The following NUDT7 variants were observed in gnomAD, a reference collection of about 807,000 sequenced individuals.
The protein encoded by NUDT7 is peroxisomal coenzyme A diphosphatase NUDT7.
Under a neutral mutation model 13.1 loss-of-function variants are expected in NUDT7, and 19 were observed. The ratio of observed to expected loss-of-function variants is 1.45; its 90% CI spans 1.01 to 2.13. The LOEUF (loss-of-function observed/expected upper bound fraction) is 2.13, where lower values mean the gene tolerates loss of function less well. NUDT7 is among the 30% of genes most tolerant of loss of function. NUDT7 has a pLI of 0.00. For synonymous variants in NUDT7, 132 were observed against 109.7 expected (o/e 1.20, Z -1.27); for missense variants, 360 against 291.7 (o/e 1.23, Z -1.71).
chr16:77,736,088 G>A (rs1230862021), intron 3 of NUDT7, 102 bp downstream of exon 3: 3 of 1,088,256 alleles, frequency 2.8e-6, no homozygotes, highest in Admixed American at 4.3e-5. Flanking sequence ...AAAGAGTACT[G>A]TACATAAAGT....
intron 2 of NUDT7, 105 bp downstream of exon 2, chr16:77,725,689 T>G (rs566491408): frequency 9.4e-7 from 1 of 1,058,604 alleles, no homozygotes; most frequent in South Asian, 1.7e-5. Flanking sequence ...TCAAAAGGGC[T>G]TTCAAAATTG....
At chr16:77,737,397 G>T (rs1404230954) in intron 3 of NUDT7, 2 of 152,016 alleles carry the variant, frequency 1.3e-5, no homozygotes, top group African/African-American at 4.8e-5. Context: ...CGTTAAGCTG[G>T]GGTCATAATT....
intron 1 of NUDT7, among the ~76,000 whole-genome samples, chr16:77,723,243 C>CG (rs2014019583): frequency 6.6e-6 from 1 of 152,284 alleles, no homozygotes; most frequent in African/African-American, 2.4e-5. Flanking sequence ...AAGCCACCAG[C>CG]CCACAGTTTC....
rs1597110111 is a variant in NUDT7, at chr16:77,725,328, C to G, written c.36-103C>G. 2.9e-6 allele frequency: 3 copies of G among 1,029,774 alleles called. No homozygotes were observed. In the East Asian group the frequency reaches 7.4e-5, roughly 25 times the overall value. The allele number at this position is 1,029,774 out of a possible 1,614,324, so 63.8% of individuals were successfully genotyped here. A position where few individuals can be genotyped will look rare whatever the true frequency, so the allele number is the denominator to read the frequency against. ...AAAATACACAGAGAGTCAGAAATGG[C>G]AAACTCCTAAATACACAACAAAGCA... On this transcript the variant is annotated intron_variant, in intron 1 of 3. Transcript: ENST00000268533.
chr16:77,739,440 T>G (rs1447378145), intron 3 of NUDT7, among the ~76,000 whole-genome samples: 1 of 152,192 alleles, frequency 6.6e-6, no homozygotes, highest in African/African-American at 2.4e-5. Flanking sequence ...GCATTTGTAA[T>G]CTGTCATGGC....
intron 2 of NUDT7, among the ~76,000 whole-genome samples, chr16:77,729,641 C>T (rs1427595266): frequency 6.6e-6 from 1 of 152,122 alleles, no homozygotes; most frequent in Non-Finnish European, 1.5e-5. Context: ...GCCTGGCCAA[C>T]ATGGTGAAAC....
chr16:77,734,954 CT>C (rs2014432259), intron 2 of NUDT7, among the ~76,000 whole-genome samples: 2 of 152,058 alleles, frequency 1.3e-5, no homozygotes, highest in Non-Finnish European at 2.9e-5. Flanking sequence ...TTAAACGTCT[CT>C]GCTTTTTTTC....
In NUDT7 at chr16:77,741,649, C is replaced by T; in HGVS notation, c.416C>T (p.Ala139Val). 2 of 1,614,076 alleles carry T rather than the reference C, an allele frequency of 1.2e-6. No homozygotes were observed. Among genetic ancestry groups the T allele is most frequent in the Non-Finnish European group, 1.7e-6 (2 of 1,180,002 alleles). Residue 139 changes from alanine (A) to valine (V), a missense_variant, in exon 4 of 4, where the codon GCT (alanine) becomes GTT (valine). Ala to Val is a moderately conservative substitution (Grantham distance 64). Transcript: ENST00000268533. ...DHNFQAQPNP[A>V]EVKDVFLVPL... ...AACTTCCAGGCCCAGCCGAATCCTGCTGAAGTTAAGGATGTATTCCTGGTG... is the reference window on the plus strand; with the variant it reads ...AACTTCCAGGCCCAGCCGAATCCTGTTGAAGTTAAGGATGTATTCCTGGTG...
intron 2 of NUDT7, 199 bp from the exon 3 acceptor site, chr16:77,735,629 G>A (rs895276147): frequency 1.6e-6 from 1 of 613,290 alleles, no homozygotes; most frequent in Non-Finnish European, 2.9e-6. Context: ...ATAAAAGTTA[G>A]CAGTGAGAAA....
intron 3 of NUDT7, chr16:77,736,555 A>G (rs2014490472): frequency 5.5e-6 from 1 of 181,032 alleles, no homozygotes; most frequent in African/African-American, 2.3e-5. Context: ...CCTTGATAGT[A>G]TAATATACAT....
intron 3 of NUDT7, among the ~76,000 whole-genome samples, chr16:77,739,671 C>G (rs2014598219): frequency 6.6e-6 from 1 of 152,102 alleles, no homozygotes; most frequent in Admixed American, 6.5e-5. Context: ...CCTTATCTTA[C>G]CCAGCCCCTA....
Position 77,741,824 on chromosome 16 carries a change from G to A in NUDT7, c.591G>A (p.Val197=), listed in dbSNP as rs371797988. 3 of 1,614,106 alleles carry A rather than the reference G, an allele frequency of 1.9e-6. No individual in the cohort carries two copies. The highest frequency in any genetic ancestry group is 2.5e-6 in the Non-Finnish European group (3 of 1,180,026). ...AGGGAATGACGGCAAACCTTGCAGT[G>A]TTGGTGGCCTTTATCATTTTGGAAA... ...QIKGMTANLA[V]LVAFIILEKK... Residue 197 remains valine, a synonymous_variant, in exon 4 of 4, where the codon GTG becomes GTA. Transcript: ENST00000268533.
At chr16:77,738,529 C>G (rs2014559766) in intron 3 of NUDT7, among the ~76,000 whole-genome samples, 2 of 152,276 alleles carry the variant, frequency 1.3e-5, no homozygotes, top group South Asian at 4.1e-4. Flanking sequence ...CTACGTGGCT[C>G]TTAACCTGGA....
rs745323722 is a variant in NUDT7 at position 77,722,633 on chromosome 16, G to A, written c.35+16G>A. ...AGCCAGTCAGGTAAAGGCTTTCCGG[G>A]CCCTGGCACCCCGAGCTTGGTCAGG... On this transcript the variant is annotated intron_variant, in intron 1 of 3. Coordinates refer to ENST00000268533, the MANE Select transcript of NUDT7 (RefSeq NM_001105663.3). 4 of 1,587,230 alleles carry A rather than the reference G, an allele frequency of 2.5e-6. No individual in the cohort carries two copies. Among genetic ancestry groups the A allele is most frequent in the Non-Finnish European group, 3.4e-6 (4 of 1,166,024 alleles).
intron 2 of NUDT7, among the ~76,000 whole-genome samples, chr16:77,731,189 T>A (rs1311881819): frequency 6.6e-6 from 1 of 152,192 alleles, no homozygotes; most frequent in African/African-American, 2.4e-5. Context: ...AGCAATGTTC[T>A]CACTAATCCA....
At chr16:77,738,869 G>A (rs186193839) in intron 3 of NUDT7, among the ~76,000 whole-genome samples, 109 of 152,326 alleles carry the variant, frequency 7.2e-4, no homozygotes, top group African/African-American at 2.5e-3. Context: ...CAACACATCT[G>A]TGGTCGAATC....
intron 2 of NUDT7, among the ~76,000 whole-genome samples, chr16:77,734,181 T>C (rs1339827816): frequency 6.6e-6 from 1 of 152,164 alleles, no homozygotes. Flanking sequence ...TACTAAACTT[T>C]TGATAAATGT....
At chr16:77,733,267 A>G (rs1292134538) in intron 2 of NUDT7, among the ~76,000 whole-genome samples, 2 of 152,214 alleles carry the variant, frequency 1.3e-5, no homozygotes, top group Non-Finnish European at 2.9e-5. Context: ...TAATTCTCAC[A>G]GTTCTGGAGG....
At chr16:77,734,968 T>C (rs1289437885) in intron 2 of NUDT7, among the ~76,000 whole-genome samples, 2 of 152,198 alleles carry the variant, frequency 1.3e-5, no homozygotes, top group East Asian at 3.8e-4. Flanking sequence ...TTTTTTTCAC[T>C]TTAAAATGGT....
Sources: gnomAD v4.1 joint callset for allele counts (sites outside exome capture counted in the v4.1 genomes callset) on GRCh38, gnomAD v4.1.1 for gene constraint, MANE v1.5 for transcripts, NCBI Gene and HGNC (gene_info 2026-07-23, HGNC 2026-07-21) for gene names.